Variants in IKZF2 observed in about 807,000 individuals in gnomAD.
IKZF2 encodes the protein zinc finger protein Helios.
A neutral mutation model predicts 49.2 loss-of-function variants in IKZF2; 15 were observed. The ratio of observed to expected loss-of-function variants is 0.30; its 90% CI spans 0.20 to 0.47. The LOEUF is 0.47. IKZF2 is among the 20% of genes least tolerant of loss of function. IKZF2 has a pLI of 1.00. For synonymous variants in IKZF2, 227 were observed against 221.4 expected (o/e 1.03, Z -0.23); for missense variants, 567 against 664.6 (o/e 0.85, Z 1.61).
intron 4 of IKZF2, among the ~76,000 whole-genome samples, chr2:213,072,349 C>G (rs923911474): frequency 2.0e-5 from 3 of 149,954 alleles, no homozygotes; most frequent in Admixed American, 2.0e-4. Context: ...TACTAGTCAG[C>G]TAATTCTTTT....
chr2:213,019,874 A>G (rs1052185590), intron 7 of IKZF2, among the ~76,000 whole-genome samples: 2 of 152,212 alleles, frequency 1.3e-5, no homozygotes, highest in African/African-American at 4.8e-5. Flanking sequence ...TTCTCTCAAA[A>G]TATACTTGTT....
At chr2:213,108,476 C>T (rs2059603537) in intron 4 of IKZF2, among the ~76,000 whole-genome samples, 4 of 152,126 alleles carry the variant, frequency 2.6e-5, no homozygotes, top group Admixed American at 2.6e-4. Flanking sequence ...ATCAGAGCTA[C>T]AAGCTGAGCT....
intron 4 of IKZF2, among the ~76,000 whole-genome samples, chr2:213,120,462 T>G (rs1250758626): frequency 6.6e-6 from 1 of 152,228 alleles, no homozygotes; most frequent in Non-Finnish European, 1.5e-5. Flanking sequence ...ACATGGCAAG[T>G]ATCTGTGGCT....
intron 6 of IKZF2, among the ~76,000 whole-genome samples, chr2:213,029,324 A>G (rs1698157232): frequency 6.6e-6 from 1 of 151,962 alleles, no homozygotes; most frequent in Admixed American, 6.6e-5. Context: ...AAGGTTTTTA[A>G]CTTCAATTTC....
chr2:213,132,894 A>G (rs74758724), intron 4 of IKZF2, among the ~76,000 whole-genome samples: 1 of 152,248 alleles, frequency 6.6e-6, no homozygotes, highest in Non-Finnish European at 1.5e-5. Flanking sequence ...ATTTGAATAC[A>G]ACAGAATTAA....
chr2:213,107,877 C>G (rs1214029444), intron 4 of IKZF2, among the ~76,000 whole-genome samples: 1 of 152,138 alleles, frequency 6.6e-6, no homozygotes, highest in Non-Finnish European at 1.5e-5. Flanking sequence ...TACCTGTGTT[C>G]TAACTGTGTA....
At chr2:213,102,798 C>T (rs1224258866) in intron 4 of IKZF2, among the ~76,000 whole-genome samples, 2 of 151,998 alleles carry the variant, frequency 1.3e-5, no homozygotes, top group Non-Finnish European at 2.9e-5. Context: ...AAAAGAAGTG[C>T]TTCCTCAGTA....
chr2:213,144,956 T>A (rs1401319650), intron 4 of IKZF2, among the ~76,000 whole-genome samples: 2 of 151,928 alleles, frequency 1.3e-5, no homozygotes, highest in Non-Finnish European at 2.9e-5. Context: ...ACCAGTGCTC[T>A]ATTCTAGCAC....
At chr2:213,128,971 G>A (rs146921761) in intron 4 of IKZF2, among the ~76,000 whole-genome samples, 243 of 151,688 alleles carry the variant, frequency 1.6e-3, no homozygotes, top group Middle Eastern at 6.8e-3. Context: ...TTTTTTAATC[G>A]TTGTTGTACT....
chr2:213,096,287 T>G (rs1705981021), intron 4 of IKZF2, among the ~76,000 whole-genome samples: 1 of 151,990 alleles, frequency 6.6e-6, no homozygotes, highest in Non-Finnish European at 1.5e-5. Context: ...AGCTGCTAAC[T>G]ATAGGTAAAA....
intron 4 of IKZF2, among the ~76,000 whole-genome samples, chr2:213,089,731 G>A (rs146642103): frequency 4.0e-4 from 61 of 152,238 alleles, no homozygotes; most frequent in Non-Finnish European, 7.9e-4. Context: ...GAAGGAGGAG[G>A]AAATTGGGAG....
At chr2:213,094,434 T>G (rs1705719281) in intron 4 of IKZF2, among the ~76,000 whole-genome samples, 1 of 152,102 alleles carries the variant, frequency 6.6e-6, no homozygotes, top group South Asian at 2.1e-4. Flanking sequence ...CTACCATAGC[T>G]TCAGGGGCCC....
At chr2:213,127,948 T>C (rs1297286932) in intron 4 of IKZF2, among the ~76,000 whole-genome samples, 1 of 152,064 alleles carries the variant, frequency 6.6e-6, no homozygotes, top group Non-Finnish European at 1.5e-5. Flanking sequence ...TCAACCATAA[T>C]AATTAAAATA....
At chr2:213,050,069 A>T (rs1392104012) in intron 5 of IKZF2, among the ~76,000 whole-genome samples, 189 bp from the exon 6 acceptor site, 1 of 152,170 alleles carries the variant, frequency 6.6e-6, no homozygotes, top group Non-Finnish European at 1.5e-5. Flanking sequence ...TTTTACATCA[A>T]ATGATCTTTC....
chr2:213,126,694 T>C (rs372908902), intron 4 of IKZF2, among the ~76,000 whole-genome samples: 18 of 152,264 alleles, frequency 1.2e-4, no homozygotes, highest in East Asian at 9.6e-4. Flanking sequence ...GTACGTCATA[T>C]GGTACAAGGG....
At chr2:213,097,538 A>G (rs1706153960) in intron 4 of IKZF2, among the ~76,000 whole-genome samples, 4 of 152,092 alleles carry the variant, frequency 2.6e-5, no homozygotes, top group Non-Finnish European at 5.9e-5. Flanking sequence ...CTTTATGTCC[A>G]GTAGATGAGT....
chr2:213,109,350 C>A lies in IKZF2; in HGVS notation c.139+38358G>T, dbSNP rs573247432. Among the ~76,000 whole-genome samples, 44 of 152,106 alleles carry A rather than the reference C, an allele frequency of 2.9e-4. 1 individual carries two copies. The South Asian group carries it at 9.1e-3, about 32-fold the overall frequency. ...CTGTGCATATTGTCTTGTTAATATT[C>A]ATCTTGCAATTTTAGGGCTACATAT... is the stretch of plus-strand genomic sequence containing the variant. On this transcript the variant is annotated intron_variant, in intron 4 of 8. Transcript: ENST00000434687.
intron 4 of IKZF2, among the ~76,000 whole-genome samples, chr2:213,141,540 G>C (rs1196223787): frequency 6.6e-6 from 1 of 151,768 alleles, no homozygotes; most frequent in African/African-American, 2.4e-5. Context: ...CCAGAATATT[G>C]CATGCTATTT....
intron 6 of IKZF2, among the ~76,000 whole-genome samples, chr2:213,044,278 C>G (rs1196373798): frequency 1.3e-5 from 2 of 152,190 alleles, no homozygotes; most frequent in African/African-American, 4.8e-5. Flanking sequence ...GTAAACCCAG[C>G]CATCTTTTTG....
Sources: allele counts gnomAD v4.1 joint callset (sites outside exome capture counted in the v4.1 genomes callset), GRCh38; gene constraint gnomAD v4.1.1; transcripts MANE v1.5; gene names NCBI Gene and HGNC (gene_info 2026-07-23, HGNC 2026-07-21).